The following CNKSR2 variants were observed in gnomAD, a reference collection of about 807,000 sequenced individuals.
CNKSR2 encodes the protein connector enhancer of kinase suppressor of Ras 2.
CNKSR2 carries 14 observed loss-of-function variants against 84.4 expected under a neutral mutation model. The ratio of observed to expected loss-of-function variants is 0.17; its 90% CI spans 0.11 to 0.26. The LOEUF (loss-of-function observed/expected upper bound fraction) is 0.26. Ranked by LOEUF, CNKSR2 falls within the 10% of genes least tolerant of loss-of-function variation. CNKSR2 has a pLI of 1.00. For missense variants in CNKSR2, 485 were observed against 771.2 expected (o/e 0.63, Z 4.40); for synonymous variants, 275 against 277.9 (o/e 0.99, Z 0.10).
chrX:21,639,514 A>G (rs1296632579), intron 20 of CNKSR2, among the ~76,000 whole-genome samples: 1 of 112,023 alleles, frequency 8.9e-6, no homozygotes, highest in Non-Finnish European at 1.9e-5. Context: ...TAAAAAATTT[A>G]TTTAAAATTT....
chrX:21,651,800 C>T (rs1178214542), intron 21 of CNKSR2, among the ~76,000 whole-genome samples: 7 of 112,009 alleles, frequency 6.2e-5, no homozygotes, highest in Admixed American at 1.9e-4. Flanking sequence ...GGAGCCATAA[C>T]ATTCACACAG....
At chrX:21,551,964 A>C (rs928706636) in intron 11 of CNKSR2, among the ~76,000 whole-genome samples, 30 of 111,081 alleles carry the variant, frequency 2.7e-4, no homozygotes, top group African/African-American at 9.5e-4. Context: ...TCTGGACAGA[A>C]GTATTCATTT....
chrX:21,451,839 A>G (rs1055719441), intron 4 of CNKSR2, among the ~76,000 whole-genome samples: 1 of 110,680 alleles, frequency 9.0e-6, no homozygotes, highest in East Asian at 2.9e-4. Context: ...CCTAAAACTT[A>G]AAGTATAATA....
intron 11 of CNKSR2, among the ~76,000 whole-genome samples, chrX:21,549,725 C>T (rs1430734674): frequency 9.0e-6 from 1 of 111,646 alleles, no homozygotes; most frequent in Non-Finnish European, 1.9e-5. Flanking sequence ...ATATATAGAC[C>T]AGTGGAACAG....
chrX:21,531,267 G>A (rs779672269), intron 10 of CNKSR2, among the ~76,000 whole-genome samples: 1 of 110,720 alleles, frequency 9.0e-6, no homozygotes, highest in Non-Finnish European at 1.9e-5. Context: ...AAGCAGTGCA[G>A]ATTTTTACCA....
chrX:21,438,186 A>G (rs1182219280), intron 3 of CNKSR2, among the ~76,000 whole-genome samples: 5 of 111,947 alleles, frequency 4.5e-5, no homozygotes, highest in South Asian at 7.3e-4. Context: ...CACCTAAACT[A>G]TATGGTATAG....
intron 1 of CNKSR2, among the ~76,000 whole-genome samples, chrX:21,404,135 G>A (rs957712753): frequency 9.0e-6 from 1 of 111,601 alleles, no homozygotes; most frequent in Non-Finnish European, 1.9e-5. Context: ...AAAAAAAATA[G>A]CCTATTCTGG....
intron 1 of CNKSR2, among the ~76,000 whole-genome samples, chrX:21,394,944 A>G (rs1399918949): frequency 9.0e-6 from 1 of 111,650 alleles, no homozygotes; most frequent in Non-Finnish European, 1.9e-5. Context: ...AGCTTGGATC[A>G]CTGAAAACAA....
Position 21,609,285 on chromosome X carries a change from T to G in CNKSR2, c.2360T>G (p.Leu787Arg), listed in dbSNP as rs373253150. The part of the protein sequence containing the change: ...TSSGLHYLQT[L>R]PLEDSVFSDS... ...TCAGGCTTACACTATCTTCAGACTC[T>G]GCCCCTGGAGGATTCTGTCTTCTCT... is the stretch of plus-strand genomic sequence containing the variant. The change falls in exon 20 of 22, where the codon CTG becomes CGG. Residue 787 changes from leucine to arginine, a missense_variant. By Grantham distance (102) the Leu-to-Arg change is moderately radical. Around this residue, in one of 5 missense-constraint regions of CNKSR2, gnomAD observed 210 missense variants for 291.5 expected, o/e 0.72. Coordinates refer to ENST00000379510, the MANE Select transcript of CNKSR2 (RefSeq NM_014927.5). 8.3e-7 allele frequency: 1 copy of G among 1,209,756 alleles called. No individual in the cohort carries two copies. The highest frequency in any genetic ancestry group is 1.1e-6 in the Non-Finnish European group (1 of 895,187).
At chrX:21,548,442 CA>C (rs763438370) in intron 11 of CNKSR2, among the ~76,000 whole-genome samples, 2 of 110,852 alleles carry the variant, frequency 1.8e-5, no homozygotes, top group Non-Finnish European at 3.8e-5. Flanking sequence ...GCCTATCAAC[CA>C]AAAAAAGCCC....
chrX:21,522,225 G>T (rs1260630028), intron 9 of CNKSR2, among the ~76,000 whole-genome samples: 1 of 110,865 alleles, frequency 9.0e-6, no homozygotes, highest in Admixed American at 9.6e-5. Flanking sequence ...ATGGGGTATT[G>T]TGATCCATTT....
chrX:21,511,737 CTT>C (rs2091673500), intron 8 of CNKSR2, among the ~76,000 whole-genome samples: 1 of 111,684 alleles, frequency 9.0e-6, no homozygotes, highest in African/African-American at 3.3e-5. Flanking sequence ...CTAAAAGCCT[CTT>C]ATAATCATCT....
intron 1 of CNKSR2, among the ~76,000 whole-genome samples, chrX:21,417,537 T>TG (rs2090439034): frequency 1.8e-5 from 2 of 111,863 alleles, no homozygotes; most frequent in Admixed American, 9.5e-5. Flanking sequence ...ATTATTATAT[T>TG]GGGGGTTCTC....
rs1284870822 is a variant in CNKSR2, at chrX:21,432,815, GTAAAGTCT to G, written c.431+3_431+10del. 1 of 1,204,498 alleles carries G rather than the reference GTAAAGTCT, an allele frequency of 8.3e-7. No homozygotes were observed. The highest frequency in any genetic ancestry group is 1.8e-5 in the African/African-American group (1 of 56,801). On this transcript the variant is annotated splice_donor_variant and splice_donor_5th_base_variant and intron_variant, in intron 3 of 21. Coordinates refer to ENST00000379510, the MANE Select transcript of CNKSR2 (RefSeq NM_014927.5). LOFTEE classifies it high-confidence loss of function. Reference sequence around the variant, plus strand: ...AGAGTCTGCTTGCCTGGTTGGACAGGTAAAGTCTTCCGCATGTTTCATAAGTATCCTCT... The same window carrying G: ...AGAGTCTGCTTGCCTGGTTGGACAGGTCCGCATGTTTCATAAGTATCCTCT...
intron 12 of CNKSR2, among the ~76,000 whole-genome samples, chrX:21,561,773 A>G (rs1261972931): frequency 9.0e-6 from 1 of 111,386 alleles, no homozygotes; most frequent in Non-Finnish European, 1.9e-5. Flanking sequence ...TTCCAGGTAC[A>G]TAAGTATGGT....
At position 21,591,167 on chromosome X, in the gene CNKSR2, A is replaced by G. The variant is rs200395235; in HGVS notation, c.1803A>G (p.Ala601=). 5.1e-5 allele frequency: 61 copies of G among 1,201,305 alleles called. 2 individuals are homozygous for G. In the African/African-American group the frequency reaches 6.1e-4, roughly 12 times the overall value. The change falls in exon 15 of 22, where the codon GCA becomes GCG. Residue 601 remains alanine (A), a synonymous_variant. Coordinates refer to ENST00000379510, the MANE Select transcript of CNKSR2 (RefSeq NM_014927.5). ...AATATTGGTTTGTCCTAAAGGATGCATCCCTTTATTGGTATATTAATGAGG... is the reference window on the plus strand; with the variant it reads ...AATATTGGTTTGTCCTAAAGGATGCGTCCCTTTATTGGTATATTAATGAGG... ...WKKYWFVLKD[A]SLYWYINEED... is the part of the protein sequence containing the mutation.
Position 21,526,989 on chromosome X carries a change from A to G in CNKSR2, c.1080A>G (p.Pro360=), listed in dbSNP as rs2091841657. 6 of 1,203,836 alleles carry G rather than the reference A, an allele frequency of 5.0e-6. No individual in the cohort carries two copies. The highest frequency in any genetic ancestry group is 1.8e-5 in the African/African-American group (1 of 56,604). Reference sequence around the variant, plus strand: ...ACATTCCCCCTCCTCCTGCAGAACCATATATTCCCAGGTATAAAACTATCA... The same window carrying G: ...ACATTCCCCCTCCTCCTGCAGAACCGTATATTCCCAGGTATAAAACTATCA... ...DLYIPPPPAE[P]YIPRDEKGNL... is the part of the protein sequence containing the mutation. Residue 360 remains proline (P), a synonymous_variant, in exon 10 of 22, where the codon CCA becomes CCG. Transcript: ENST00000379510.
At chrX:21,464,152 A>T (rs995994220) in intron 4 of CNKSR2, among the ~76,000 whole-genome samples, 15 of 112,158 alleles carry the variant, frequency 1.3e-4, no homozygotes, top group Non-Finnish European at 2.4e-4. Flanking sequence ...TTGGTGATTG[A>T]TTCCCCTCTG....
At chrX:21,440,247 A>C (rs1319584919) in intron 3 of CNKSR2, among the ~76,000 whole-genome samples, 2 of 111,537 alleles carry the variant, frequency 1.8e-5, no homozygotes, top group Non-Finnish European at 3.8e-5. Context: ...TAAAGCATTT[A>C]GAATAGTAAC....
Sources: gnomAD v4.1 joint callset for allele counts (sites outside exome capture counted in the v4.1 genomes callset) on GRCh38, gnomAD v4.1.1 for gene constraint, gnomAD v4.1.1 regional missense constraint, MANE v1.5 for transcripts, NCBI Gene and HGNC (gene_info 2026-07-23, HGNC 2026-07-21) for gene names.